CSMD1: variants seen among roughly 807,000 people sequenced by gnomAD.
CSMD1 encodes CUB and Sushi multiple domains 1.
CSMD1 carries 213 observed loss-of-function variants against 417.5 expected under a neutral mutation model. That is an observed-to-expected ratio of 0.51 (90% CI 0.46 to 0.57). The LOEUF (loss-of-function observed/expected upper bound fraction) is 0.57, where lower values mean the gene tolerates loss of function less well. Among genes scored for constraint, CSMD1 ranks in the 20% least tolerant of loss-of-function variants. The probability of loss-of-function intolerance (pLI) is 0.00; values close to 1 mark genes in which losing one functional copy is unlikely to be tolerated. For missense variants in CSMD1, 6,923 were observed against 4,529.7 expected (o/e 1.53, Z -15.17); for synonymous variants, 2,862 against 1,736.8 (o/e 1.65, Z -16.11).
intron 23 of CSMD1, among the ~76,000 whole-genome samples, chr8:3,336,717 C>A (rs747431733): frequency 1.3e-5 from 2 of 152,188 alleles, no homozygotes; most frequent in African/African-American, 2.4e-5. Context: ...GAGAGCCCTG[C>A]ACACCTAACT....
intron 3 of CSMD1, among the ~76,000 whole-genome samples, chr8:4,145,057 T>C (rs1433803674): frequency 6.6e-6 from 1 of 151,228 alleles, no homozygotes; most frequent in Non-Finnish European, 1.5e-5. Flanking sequence ...TTTTTAAATG[T>C]TTCTAAAATA....
chr8:3,559,997 G>C (rs1258671258), intron 10 of CSMD1, among the ~76,000 whole-genome samples: 1 of 152,136 alleles, frequency 6.6e-6, no homozygotes, highest in African/African-American at 2.4e-5. Flanking sequence ...TTCCTAACAA[G>C]ATGAGTGGCC....
intron 12 of CSMD1, among the ~76,000 whole-genome samples, chr8:3,451,715 G>A (rs950274101): frequency 3.3e-5 from 5 of 152,170 alleles, no homozygotes; most frequent in African/African-American, 4.8e-5. Flanking sequence ...TTTGGTTACG[G>A]TAGCCTTGTA....
chr8:4,032,179 AT>A (rs1389028373), intron 3 of CSMD1, 80 bp from the exon 4 acceptor site: 40 of 968,538 alleles, frequency 4.1e-5, no homozygotes, highest in Non-Finnish European at 5.6e-5. Flanking sequence ...AACAGACACC[AT>A]TTTTGAATTA....
At chr8:4,454,424 T>C (rs1018847948) in intron 2 of CSMD1, among the ~76,000 whole-genome samples, 2 of 152,228 alleles carry the variant, frequency 1.3e-5, no homozygotes, top group Admixed American at 6.5e-5. Context: ...CTTCTTTGGA[T>C]ACCCTACCCT....
intron 3 of CSMD1, among the ~76,000 whole-genome samples, chr8:4,038,466 C>T (rs1052360091): frequency 2.0e-5 from 3 of 152,030 alleles, no homozygotes; most frequent in Non-Finnish European, 4.4e-5. Flanking sequence ...ATTTAGTGTT[C>T]GAGAAAAACT....
intron 2 of CSMD1, among the ~76,000 whole-genome samples, chr8:4,442,171 G>A (rs1466272264): frequency 1.3e-5 from 2 of 152,320 alleles, no homozygotes; most frequent in African/African-American, 2.4e-5. Flanking sequence ...AGCTTCAAAT[G>A]CAGGCAAAGT....
chr8:3,403,219 G>C (rs1405043038), intron 15 of CSMD1, among the ~76,000 whole-genome samples: 1 of 152,166 alleles, frequency 6.6e-6, no homozygotes, highest in Non-Finnish European at 1.5e-5. Flanking sequence ...ATAAATAAGA[G>C]TATTCTGTAA....
intron 5 of CSMD1, among the ~76,000 whole-genome samples, chr8:3,810,290 G>T (rs752397994): frequency 2.6e-5 from 4 of 152,124 alleles, no homozygotes; most frequent in African/African-American, 9.7e-5. Flanking sequence ...TGTTTCACAG[G>T]ACGAAGACAA....
At chr8:3,247,076 A>C (rs529650955) in intron 26 of CSMD1, among the ~76,000 whole-genome samples, 204 of 152,308 alleles carry the variant, frequency 1.3e-3, no homozygotes, top group Admixed American at 2.8e-3. Flanking sequence ...AGTGACTTCA[A>C]AACAGCACAA....
At chr8:4,715,905 G>C (rs1563204725) in intron 1 of CSMD1, among the ~76,000 whole-genome samples, 1 of 152,188 alleles carries the variant, frequency 6.6e-6, no homozygotes, top group African/African-American at 2.4e-5. Flanking sequence ...TTCCTCTAGA[G>C]TCTATTCTTC....
chr8:4,477,463 A>G (rs1800865450), intron 2 of CSMD1, among the ~76,000 whole-genome samples: 1 of 152,246 alleles, frequency 6.6e-6, no homozygotes, highest in Non-Finnish European at 1.5e-5. Flanking sequence ...CATGATTTTC[A>G]GATATTTATA....
At chr8:4,655,338 C>A (rs911616472) in intron 1 of CSMD1, among the ~76,000 whole-genome samples, 2 of 151,990 alleles carry the variant, frequency 1.3e-5, no homozygotes, top group Admixed American at 6.5e-5. Flanking sequence ...TGGTTGCAAT[C>A]GACCTGCTGA....
At chr8:3,512,197 G>C (rs1448363441) in intron 10 of CSMD1, among the ~76,000 whole-genome samples, 1 of 152,210 alleles carries the variant, frequency 6.6e-6, no homozygotes. Context: ...AGATGAGTCT[G>C]TCCACCTAAT....
At chr8:4,711,538 A>G (rs762262137) in intron 1 of CSMD1, among the ~76,000 whole-genome samples, 3 of 152,178 alleles carry the variant, frequency 2.0e-5, no homozygotes, top group Non-Finnish European at 4.4e-5. Flanking sequence ...AAAAAGTGCT[A>G]TGGAAGGTTT....
intron 12 of CSMD1, among the ~76,000 whole-genome samples, chr8:3,462,071 G>T (rs1044682574): frequency 1.3e-5 from 2 of 151,920 alleles, no homozygotes; most frequent in Admixed American, 6.6e-5. Flanking sequence ...GCTAGTGCTG[G>T]GCTGTATTTG....
chr8:4,583,990 C>A (rs545192139), intron 2 of CSMD1, among the ~76,000 whole-genome samples: 1 of 151,808 alleles, frequency 6.6e-6, no homozygotes, highest in Admixed American at 6.6e-5. Context: ...ACAAGCCCAC[C>A]GGGAGGGGAG....
intron 3 of CSMD1, among the ~76,000 whole-genome samples, chr8:4,368,732 G>A (rs1365662764): frequency 6.6e-6 from 1 of 151,974 alleles, no homozygotes; most frequent in African/African-American, 2.4e-5. Flanking sequence ...AGTCTCCTAG[G>A]TTTTCTAGTT....
At chr8:4,916,030 G>C (rs1052780085) in intron 1 of CSMD1, among the ~76,000 whole-genome samples, 18 of 152,140 alleles carry the variant, frequency 1.2e-4, no homozygotes, top group African/African-American at 4.3e-4. Flanking sequence ...CTCGTTCATA[G>C]AATACACTAG....
Sources: allele counts gnomAD v4.1 joint callset (sites outside exome capture counted in the v4.1 genomes callset), GRCh38; gene constraint gnomAD v4.1.1; transcripts MANE v1.5; gene names NCBI Gene and HGNC (gene_info 2026-07-23, HGNC 2026-07-21).